The following ABHD12 variants were observed in gnomAD, a reference collection of about 807,000 sequenced individuals.
ABHD12 encodes abhydrolase domain containing 12, lysophospholipase, also known as lysophosphatidylserine lipase ABHD12.
A neutral mutation model predicts 58.3 loss-of-function variants in ABHD12; 43 were observed. The observed-to-expected ratio is 0.74, with a 90% confidence interval of 0.58 to 0.95. ABHD12 has a LOEUF of 0.95. ABHD12 is among the 40% of genes least tolerant of loss of function. The pLI is 0.00. For missense variants in ABHD12, 539 were observed against 537.2 expected, an observed-to-expected ratio of 1.00 and a Z score of -0.03; for synonymous variants, 219 against 211.2, an observed-to-expected ratio of 1.04 and a Z score of -0.32.
chr20:25,312,952 C>T lies in ABHD12; in HGVS notation c.619+1973G>A, dbSNP rs534923690. On this transcript the variant is annotated intron_variant, in intron 6 of 12. Transcript: ENST00000339157. ...GAGGAGCGTCTCCACCCGCCCCATC[C>T]GGGAGGGAGGTGGGGGCCAGCCCCC... Among the ~76,000 whole-genome samples, 423 of 150,728 alleles carry T rather than the reference C, an allele frequency of 2.8e-3. 2 individuals are homozygous for T. The highest frequency in any genetic ancestry group is 9.6e-3 in the African/African-American group (394 of 40,834).
At chr20:25,302,134 G>C in intron 12 of ABHD12, 85 bp downstream of exon 12, 1 of 1,598,268 alleles carries the variant, frequency 6.3e-7, no homozygotes, top group Non-Finnish European at 8.5e-7. Context: ...CCCCTGAGCA[G>C]CTTCAGCAGC....
intron 2 of ABHD12, among the ~76,000 whole-genome samples, chr20:25,330,600 C>A (rs1372152888): frequency 6.6e-6 from 1 of 152,248 alleles, no homozygotes; most frequent in East Asian, 1.9e-4. Flanking sequence ...GTTCTCCCAG[C>A]ACGCACCTGG....
rs967197523 is a variant in ABHD12, at chr20:25,390,695, C to T, written c.9G>A (p.Lys3=). Residue 3 remains lysine, a synonymous_variant, in exon 1 of 13, where the codon AAG becomes AAA. Transcript: ENST00000339157. MR[K]RTEPVALEHE... ...GCTCCAAGGCGACGGGCTCGGTCCG[C>T]TTCCTCATCCCGCGGCCGACAGGGC... The T allele has an allele frequency of 2.9e-6, 4 of 1,394,520 alleles. No homozygotes were observed. The highest frequency in any genetic ancestry group is 3.7e-6 in the Non-Finnish European group (4 of 1,072,526). 86.4% of individuals were successfully genotyped at this position (1,394,520 alleles called of 1,614,324 possible). A position where few individuals can be genotyped will look rare whatever the true frequency, so the allele number is the denominator to read the frequency against.
At chr20:25,345,960 T>C in intron 1 of ABHD12, among the ~76,000 whole-genome samples, 1 of 152,234 alleles carries the variant, frequency 6.6e-6, no homozygotes, top group East Asian at 1.9e-4. Flanking sequence ...AAATGAAAAA[T>C]ATATGTCCAC....
chr20:25,361,619 A>G (rs2089749035), intron 1 of ABHD12, among the ~76,000 whole-genome samples: 1 of 152,252 alleles, frequency 6.6e-6, no homozygotes. Flanking sequence ...TTACTGGTAT[A>G]TAAGAAAGCT....
At position 25,308,017 on chromosome 20, in the gene ABHD12, T is replaced by G; in HGVS notation, c.816A>C (p.Glu272Asp). The change falls in exon 9 of 13, where the codon GAA becomes GAC. Residue 272 changes from glutamate to aspartate, a missense_variant. Physicochemically the swap from Glu to Asp is conservative, Grantham distance 45. Transcript: ENST00000339157. ...RETPPDALILESPFTNIREEA... is the reference protein window; with the variant it reads ...RETPPDALILDSPFTNIREEA... ...CTTCGCGGATATTAGTGAATGGAGA[T>G]TCCAATATAAGGGCATCTGGAGGCG... 6.2e-7 allele frequency: 1 copy of G among 1,609,630 alleles called. No homozygotes were observed. The highest frequency in any genetic ancestry group is 8.5e-7 in the Non-Finnish European group (1 of 1,175,888).
In ABHD12 at chr20:25,373,566, AT is replaced by A. The variant is rs374255349; in HGVS notation, c.191+16946del. Among the ~76,000 whole-genome samples, 180 of 152,240 alleles carry A rather than the reference AT, an allele frequency of 1.2e-3. 1 individual carries two copies. Among genetic ancestry groups the A allele is most frequent in the African/African-American group, 4.1e-3 (171 of 41,566 alleles). On this transcript the variant is annotated intron_variant, in intron 1 of 12. Transcript: ENST00000339157. ...CGTCTCAAAAAAAAAAATTAAAAAA[AT>A]AAAGACGTTGCTTCACTGAATTCTT... is the stretch of plus-strand genomic sequence containing the variant.
chr20:25,340,174 T>A (rs2089436667), intron 1 of ABHD12, among the ~76,000 whole-genome samples: 2 of 152,262 alleles, frequency 1.3e-5, no homozygotes, highest in South Asian at 4.1e-4. Context: ...ATATTTATGA[T>A]GATCTGTCAT....
chr20:25,322,381 A>ATATATATATAT, intron 3 of ABHD12, among the ~76,000 whole-genome samples: 6 of 59,270 alleles, frequency 1.0e-4, no homozygotes, highest in South Asian at 5.8e-4. Context: ...ATATATATAT[A>ATATATATATAT]TTTTTTTTTT....
Position 25,302,335 on chromosome 20 carries a change from G to A in ABHD12, c.1041C>T (p.Ile347=), listed in dbSNP as rs188888939. The A allele has an allele frequency of 3.7e-4, 597 of 1,613,382 alleles. No individual in the cohort carries two copies. Among genetic ancestry groups the A allele is most frequent in the Non-Finnish European group, 4.7e-4 (554 of 1,179,938 alleles). ...PFQLGRKLYS[I]AAPARSFRDF... Reference sequence around the variant, plus strand: ...CTCGGAAGCTTCGAGCTGGTGCGGCGATGCTATAGAGCTGGGGAGAGAGGG... The same window carrying A: ...CTCGGAAGCTTCGAGCTGGTGCGGCAATGCTATAGAGCTGGGGAGAGAGGG... The change falls in exon 12 of 13, where the codon ATC becomes ATT. Residue 347 remains isoleucine (I), a synonymous_variant. Coordinates refer to ENST00000339157, the MANE Select transcript of ABHD12 (RefSeq NM_001042472.3).
intron 2 of ABHD12, among the ~76,000 whole-genome samples, chr20:25,324,635 G>A (rs1456893522): frequency 1.3e-5 from 2 of 152,040 alleles, no homozygotes; most frequent in African/African-American, 4.8e-5. Context: ...TGTCCATGTG[G>A]CACATTGCAC....
At chr20:25,359,888 A>G (rs1245255278) in intron 1 of ABHD12, among the ~76,000 whole-genome samples, 4 of 152,158 alleles carry the variant, frequency 2.6e-5, no homozygotes, top group Non-Finnish European at 5.9e-5. Context: ...TTTTATATTA[A>G]GGATGCTAAA....
intron 2 of ABHD12, among the ~76,000 whole-genome samples, chr20:25,328,790 C>T (rs944660661): frequency 3.3e-5 from 5 of 152,296 alleles, no homozygotes; most frequent in Admixed American, 3.3e-4. Context: ...ACAGTGACTA[C>T]TCTCCATGAA....
At chr20:25,298,183 C>CCAT (rs914366394), downstream of ABHD12, among the ~76,000 whole-genome samples, 28 of 152,334 alleles carry the variant, frequency 1.8e-4, no homozygotes, top group African/African-American at 4.8e-4. Flanking sequence ...GAATTACACC[C>CCAT]CATCATTCTG....
At chr20:25,333,540 T>C (rs1240150747) in intron 2 of ABHD12, among the ~76,000 whole-genome samples, 3 of 150,980 alleles carry the variant, frequency 2.0e-5, no homozygotes, top group East Asian at 1.9e-4. Flanking sequence ...TTGATGAACA[T>C]TGATGCAAAA....
At chr20:25,362,492 G>A (rs893549154) in intron 1 of ABHD12, among the ~76,000 whole-genome samples, 6 of 149,662 alleles carry the variant, frequency 4.0e-5, no homozygotes, top group Non-Finnish European at 7.4e-5. Context: ...CTTGAACCCC[G>A]GAAATGGAGG....
At chr20:25,320,342 C>T (rs767058384) in intron 3 of ABHD12, 24 bp from the exon 4 acceptor site, 22 of 1,611,938 alleles carry the variant, frequency 1.4e-5, no homozygotes, top group Non-Finnish European at 1.8e-5. Context: ...CAGAGGGGAG[C>T]GCAGGATCAG....
chr20:25,367,888 G>C (rs777458185), intron 1 of ABHD12, among the ~76,000 whole-genome samples: 12 of 152,116 alleles, frequency 7.9e-5, no homozygotes, highest in African/African-American at 1.7e-4. Context: ...TAGAGACCCT[G>C]TTTTCAATTA....
chr20:25,320,416 C>T, intron 3 of ABHD12, 98 bp from the exon 4 acceptor site: 4 of 1,546,016 alleles, frequency 2.6e-6, no homozygotes, highest in Non-Finnish European at 3.5e-6. Context: ...CAAGTCCAGA[C>T]AGCAGGGAGC....
Sources: gnomAD v4.1 joint callset for allele counts (sites outside exome capture counted in the v4.1 genomes callset) on GRCh38, gnomAD v4.1.1 for gene constraint, MANE v1.5 for transcripts, NCBI Gene and HGNC (gene_info 2026-07-23, HGNC 2026-07-21) for gene names.